Variants in CEP112 observed in about 807,000 individuals in gnomAD.
The protein encoded by CEP112 is centrosomal protein 112, also known as centrosomal protein of 112 kDa.
CEP112 carries 127 observed loss-of-function variants against 153.0 expected under a neutral mutation model. That is an observed-to-expected ratio of 0.83 (90% CI 0.72 to 0.96). The LOEUF (loss-of-function observed/expected upper bound fraction) is 0.96, where lower values mean the gene tolerates loss of function less well. Ranked by LOEUF, CEP112 falls within the 40% of genes least tolerant of loss-of-function variation. CEP112 has a pLI of 0.00. For missense variants in CEP112, 1,089 were observed against 1,101.2 expected (o/e 0.99, Z 0.16); for synonymous variants, 358 against 374.4 (o/e 0.96, Z 0.51).
At chr17:66,057,262 T>A (rs1283194283) in intron 11 of CEP112, among the ~76,000 whole-genome samples, 1 of 152,152 alleles carries the variant, frequency 6.6e-6, no homozygotes, top group Non-Finnish European at 1.5e-5. Context: ...GGTAGATACA[T>A]TCAAAAGATG....
chr17:65,669,889 C>T (rs1232179269), intron 24 of CEP112, among the ~76,000 whole-genome samples: 2 of 136,744 alleles, frequency 1.5e-5, no homozygotes, highest in African/African-American at 5.6e-5. Context: ...GGCGACAGAG[C>T]GAGACTTCGT....
chr17:65,970,377 TCA>T (rs2062651927), intron 17 of CEP112, among the ~76,000 whole-genome samples: 1 of 71,000 alleles, frequency 1.4e-5, no homozygotes, highest in Non-Finnish European at 3.4e-5. Flanking sequence ...CATGCACACA[TCA>T]TGCATATATA....
At chr17:65,938,001 A>G (rs1315150615) in intron 18 of CEP112, among the ~76,000 whole-genome samples, 1 of 120,172 alleles carries the variant, frequency 8.3e-6, no homozygotes, top group Non-Finnish European at 1.8e-5. Flanking sequence ...GAAAAGATTG[A>G]GAAATCGGAT....
chr17:65,717,645 T>C (rs138174371), intron 23 of CEP112, among the ~76,000 whole-genome samples: 1 of 152,292 alleles, frequency 6.6e-6, no homozygotes, highest in African/African-American at 2.4e-5. Context: ...ATACAGTAAA[T>C]ACAAAGCACT....
intron 4 of CEP112, among the ~76,000 whole-genome samples, chr17:66,158,918 T>C (rs1459873367): frequency 6.6e-6 from 1 of 152,164 alleles, no homozygotes; most frequent in Non-Finnish European, 1.5e-5. Flanking sequence ...CAGGAGCTGG[T>C]TTTTTGAAAA....
At position 65,637,201 on chromosome 17, in the gene CEP112, C is replaced by T. The variant is rs374752595; in HGVS notation, c.2800-13G>A. On this transcript the variant is annotated splice_polypyrimidine_tract_variant and intron_variant, in intron 25 of 26. Transcript: ENST00000535342. Reference sequence around the variant, plus strand: ...GCAGAAAATTAACCTAGAAAAGACACCTTGTGTGAGAAGAGGTGGACGTGG... The same window carrying T: ...GCAGAAAATTAACCTAGAAAAGACATCTTGTGTGAGAAGAGGTGGACGTGG... The T allele has an allele frequency of 6.9e-5, 111 of 1,606,542 alleles. No homozygotes were observed. In the African/African-American group the frequency reaches 1.4e-3, roughly 20 times the overall value.
chr17:65,985,479 A>C (rs2063373996), intron 17 of CEP112, among the ~76,000 whole-genome samples: 1 of 152,218 alleles, frequency 6.6e-6, no homozygotes. Context: ...GAGGAGGACC[A>C]CTTGTCAGTC....
chr17:65,794,776 C>T (rs1257217671), intron 21 of CEP112, among the ~76,000 whole-genome samples: 3 of 152,298 alleles, frequency 2.0e-5, no homozygotes, highest in South Asian at 4.1e-4. Context: ...GGAATCGCAC[C>T]TGCGGCTTCT....
At chr17:66,066,480 A>C (rs1207049612) in intron 10 of CEP112, among the ~76,000 whole-genome samples, 2 of 152,096 alleles carry the variant, frequency 1.3e-5, no homozygotes, top group Non-Finnish European at 2.9e-5. Context: ...ATGAGGCTAG[A>C]GTTAAGAAGA....
intron 4 of CEP112, among the ~76,000 whole-genome samples, chr17:66,145,219 T>C (rs2070871626): frequency 6.6e-6 from 1 of 152,206 alleles, no homozygotes; most frequent in South Asian, 2.1e-4. Context: ...CTGTAAACTC[T>C]TTTGCACATT....
intron 17 of CEP112, among the ~76,000 whole-genome samples, chr17:65,999,363 G>A (rs1031376515): frequency 5.3e-5 from 8 of 151,820 alleles, no homozygotes; most frequent in East Asian, 3.9e-4. Context: ...CACAGCACAC[G>A]GCTAATTTTT....
intron 8 of CEP112, among the ~76,000 whole-genome samples, chr17:66,078,124 G>A (rs1482883439): frequency 6.6e-6 from 1 of 152,096 alleles, no homozygotes; most frequent in Non-Finnish European, 1.5e-5. Flanking sequence ...GTTGAAAAGG[G>A]TGCCCCTTTC....
chr17:65,783,976 A>AT (rs1404692620), intron 21 of CEP112, among the ~76,000 whole-genome samples: 2 of 152,224 alleles, frequency 1.3e-5, no homozygotes, highest in East Asian at 3.9e-4. Context: ...CCTGGGTATT[A>AT]TTTTATAACA....
chr17:65,920,359 C>CAA lies in CEP112; in HGVS notation c.1980+7221_1980+7222dup, dbSNP rs1555713306. Reference sequence around the variant, plus strand: ...AGGACTCTGTCTAAAAACAAACAAACAAAATATATATATATATATATATAT... The same window carrying CAA: ...AGGACTCTGTCTAAAAACAAACAAACAAAAAATATATATATATATATATATAT... On this transcript the variant is annotated intron_variant, in intron 19 of 26. Transcript: ENST00000535342. Among the ~76,000 whole-genome samples, 40 of 29,838 alleles carry CAA rather than the reference C, an allele frequency of 1.3e-3. 1 individual carries two copies. The highest frequency in any genetic ancestry group is 1.5e-3 in the Non-Finnish European group (24 of 15,504). 19.6% of individuals were successfully genotyped at this position (29,838 alleles called of 152,430 possible).
At chr17:65,994,468 T>C (rs766987416) in intron 17 of CEP112, among the ~76,000 whole-genome samples, 4 of 152,124 alleles carry the variant, frequency 2.6e-5, no homozygotes, top group Non-Finnish European at 5.9e-5. Flanking sequence ...GCTAGGACTA[T>C]AGAGGCATGT....
In CEP112 at chr17:65,690,523, C is replaced by T. The variant is rs188541823; in HGVS notation, c.2608-1305G>A. Among the ~76,000 whole-genome samples, 918 of 151,008 alleles carry T rather than the reference C, an allele frequency of 6.1e-3. 5 individuals are homozygous for T. The highest frequency in any genetic ancestry group is 8.5e-3 in the Non-Finnish European group (576 of 67,918). ...GCAAACAGTAAGTGTATTATATAAC[C>T]GTGATGAGTGCAGAAGAAAAATAAA... On this transcript the variant is annotated intron_variant, in intron 23 of 26. Coordinates refer to ENST00000535342, the MANE Select transcript of CEP112 (RefSeq NM_001199165.4).
At chr17:66,096,492 T>C in intron 7 of CEP112, 93 bp downstream of exon 7, 1 of 1,137,080 alleles carries the variant, frequency 8.8e-7, no homozygotes, top group Non-Finnish European at 1.3e-6. Flanking sequence ...TGTTTCCTAA[T>C]GTAGATCCGC....
In CEP112 at chr17:65,826,657, T is replaced by A. The variant is rs954528068; in HGVS notation, c.2394+25147A>T. 6.0e-6 allele frequency: 4 copies of A among 666,704 alleles called. No individual in the cohort carries two copies. In the African/African-American group the frequency reaches 7.8e-5, roughly 13 times the overall value. 41.3% of individuals were successfully genotyped at this position (666,704 alleles called of 1,614,324 possible). ...AGGACTTAGGGACAAGGCAACAGTA[T>A]GACGAAAGGTTGACTTCTGTGCATC... On this transcript the variant is annotated intron_variant, in intron 21 of 26. Transcript: ENST00000535342.
intron 23 of CEP112, among the ~76,000 whole-genome samples, chr17:65,712,861 T>A (rs2049276463): frequency 6.6e-6 from 1 of 152,262 alleles, no homozygotes; most frequent in Non-Finnish European, 1.5e-5. Context: ...GGCAGAGAGC[T>A]GTGCTTATCG....
Sources: gnomAD v4.1 joint callset for allele counts (sites outside exome capture counted in the v4.1 genomes callset) on GRCh38, gnomAD v4.1.1 for gene constraint, MANE v1.5 for transcripts, NCBI Gene and HGNC (gene_info 2026-07-23, HGNC 2026-07-21) for gene names.